REV1: variants seen among roughly 807,000 people sequenced by gnomAD.
The protein encoded by REV1 is translesion synthesis protein REV1.
Under a neutral mutation model 137.4 loss-of-function variants are expected in REV1, and 42 were observed. That is an observed-to-expected ratio of 0.31 (90% CI 0.24 to 0.40). The LOEUF (loss-of-function observed/expected upper bound fraction) is 0.40. REV1 is among the 10% of genes least tolerant of loss of function. The pLI is 1.00. For missense variants in REV1, 1,282 were observed against 1,490.1 expected, an observed-to-expected ratio of 0.86 and a Z score of 2.30; for synonymous variants, 524 against 519.2, an observed-to-expected ratio of 1.01 and a Z score of -0.12.
intron 1 of REV1, among the ~76,000 whole-genome samples, chr2:99,471,806 C>G (rs1239799458): frequency 6.7e-6 from 1 of 148,604 alleles, no homozygotes; most frequent in African/African-American, 2.5e-5. Context: ...CACAAAAAAA[C>G]GTTCAGTGTC....
At position 99,421,649 on chromosome 2, in the gene REV1, T is replaced by G; in HGVS notation, c.1681A>C (p.Thr561Pro). 6.2e-7 allele frequency: 1 copy of G among 1,613,604 alleles called. No homozygotes were observed. Residue 561 changes from threonine to proline, a missense_variant, in exon 11 of 23, where the codon ACT becomes CCT. Thr to Pro is a conservative substitution (Grantham distance 38, BLOSUM62 -1). Around this residue, in one of 7 missense-constraint regions of REV1, gnomAD observed 372 missense variants for 482.3 expected, o/e 0.77. Coordinates refer to ENST00000258428, the MANE Select transcript of REV1 (RefSeq NM_016316.4). ...QTLYETLASYTHNIEAVSCDE... is the reference protein window; with the variant it reads ...QTLYETLASYPHNIEAVSCDE... ...CAACTGACAGCTTCAATGTTATGAG[T>G]GTAGCTATCAACACAGAGCAAAGGC...
chr2:99,483,893 C>T (rs1285662961), intron 1 of REV1, among the ~76,000 whole-genome samples: 1 of 152,112 alleles, frequency 6.6e-6, no homozygotes, highest in Admixed American at 6.6e-5. Flanking sequence ...GATATAATGG[C>T]ATTGCCTCTG....
chr2:99,407,865 G>C (rs1460060027), intron 15 of REV1, among the ~76,000 whole-genome samples, 164 bp downstream of exon 15: 2 of 152,132 alleles, frequency 1.3e-5, no homozygotes. Flanking sequence ...GGTCAAAATG[G>C]AGGAAGTCAA....
intron 1 of REV1, among the ~76,000 whole-genome samples, chr2:99,469,569 T>A (rs1367937985): frequency 6.6e-6 from 1 of 152,228 alleles, no homozygotes; most frequent in Non-Finnish European, 1.5e-5. Flanking sequence ...CAGCTCTGTC[T>A]ATGAGGAGCC....
At chr2:99,460,347 T>C (rs1684045108) in intron 3 of REV1, among the ~76,000 whole-genome samples, 1 of 152,236 alleles carries the variant, frequency 6.6e-6, no homozygotes. Context: ...AGTGCTGGGA[T>C]TGCAGGCGTG....
At chr2:99,417,048 G>A (rs140687585) in intron 12 of REV1, among the ~76,000 whole-genome samples, 16 of 152,178 alleles carry the variant, frequency 1.1e-4, no homozygotes, top group East Asian at 7.7e-4. Flanking sequence ...AAAAGGGTTC[G>A]ATTTAAAGAT....
At chr2:99,476,553 C>CAATAAT (rs35637032) in intron 1 of REV1, among the ~76,000 whole-genome samples, 23 of 149,598 alleles carry the variant, frequency 1.5e-4, no homozygotes, top group East Asian at 3.9e-4. Flanking sequence ...AAGAATCTGT[C>CAATAAT]AATAATAATA....
At chr2:99,455,319 T>C (rs28369956) in intron 3 of REV1, among the ~76,000 whole-genome samples, 1 of 152,326 alleles carries the variant, frequency 6.6e-6, no homozygotes, top group Non-Finnish European at 1.5e-5. Context: ...GAAAACTTAC[T>C]GTGCATACCC....
chr2:99,462,657 G>A, intron 2 of REV1, 35 bp from the exon 3 acceptor site: 2 of 1,564,704 alleles, frequency 1.3e-6, no homozygotes, highest in East Asian at 2.3e-5. Context: ...AATCACAAAG[G>A]TTACATTTTC....
chr2:99,463,991 G>A (rs918683923), intron 2 of REV1, among the ~76,000 whole-genome samples: 1 of 152,014 alleles, frequency 6.6e-6, no homozygotes, highest in African/African-American at 2.4e-5. Context: ...AATTATTTCA[G>A]GTAAAAATGA....
In REV1 at chr2:99,449,467, C is replaced by A; in HGVS notation, c.219G>T (p.Leu73Phe). 6.6e-7 allele frequency: 1 copy of A among 1,515,604 alleles called. No individual in the cohort carries two copies. The highest frequency in any genetic ancestry group is 1.4e-5 in the South Asian group (1 of 70,480). The allele number at this position is 1,515,604 out of a possible 1,614,324, so 93.9% of individuals were successfully genotyped here. ...AATATACATGGTATTGACCTCCATG[C>A]AACATCATTAGTTTTCTCAATTCCT... ...SAEELRKLMM[L>F]HGGQYHVYYS... The change falls in exon 4 of 23, where the codon TTG becomes TTT. Residue 73 changes from leucine to phenylalanine, a missense_variant. By Grantham distance (22) the Leu-to-Phe change is conservative. This residue lies in a region of REV1 where 107 missense variants were observed against 164.3 expected (regional missense o/e 0.65). Coordinates refer to ENST00000258428, the MANE Select transcript of REV1 (RefSeq NM_016316.4).
chr2:99,438,726 A>G lies in REV1; in HGVS notation c.1088T>C (p.Met363Thr). 1.2e-6 allele frequency: 2 copies of G among 1,613,980 alleles called. No individual in the cohort carries two copies. Among genetic ancestry groups the G allele is most frequent in the Non-Finnish European group, 1.7e-6 (2 of 1,179,852 alleles). ...AAACTCAGTCAATTCACACTTCCAC[A>G]TTGATATGTGATGCAGTCTTGAATG... ...YSHSRLHHIS[M>T]WKCELTEFVN... Residue 363 changes from methionine to threonine, a missense_variant, in exon 6 of 23, where the codon ATG becomes ACG. Physicochemically the swap from Met to Thr is moderately conservative, Grantham distance 81. Coordinates refer to ENST00000258428, the MANE Select transcript of REV1 (RefSeq NM_016316.4).
At chr2:99,424,970 T>G (rs1679149427) in intron 9 of REV1, 1 of 1,079,938 alleles carries the variant, frequency 9.3e-7, no homozygotes, top group Non-Finnish European at 1.2e-6. Flanking sequence ...TTTGGAGCAT[T>G]CACCACAAAA....
Position 99,405,951 on chromosome 2 carries a change from A to ACACTTAAC in REV1, c.2769_2770insGTTAAGTG (p.Ser924ValfsTer8), listed in dbSNP as rs1212715953. ...ACCTCTATACTCAGGTTAAGTCTCG[A>ACACTTAAC]CTGCACACTGACAGGAGTATGTAGA... On this transcript the variant is annotated frameshift_variant, in exon 17 of 23. Transcript: ENST00000258428. LOFTEE classifies it high-confidence loss of function. 1 of 1,610,934 alleles carries ACACTTAAC rather than the reference A, an allele frequency of 6.2e-7. No homozygotes were observed. Among genetic ancestry groups the ACACTTAAC allele is most frequent in the Non-Finnish European group, 8.5e-7 (1 of 1,178,544 alleles).
At chr2:99,483,513 C>A (rs1473851938) in intron 1 of REV1, among the ~76,000 whole-genome samples, 1 of 152,104 alleles carries the variant, frequency 6.6e-6, no homozygotes, top group East Asian at 1.9e-4. Context: ...TTAATTCAAG[C>A]ACAAAGCCAT....
intron 14 of REV1, among the ~76,000 whole-genome samples, chr2:99,409,087 C>T (rs1676736442): frequency 6.6e-6 from 1 of 152,092 alleles, no homozygotes; most frequent in South Asian, 2.1e-4. Flanking sequence ...CCAGCCTGGG[C>T]AACAGAGCGA....
At chr2:99,488,770 CCCTA>C (rs1282076127) in intron 1 of REV1, among the ~76,000 whole-genome samples, 15 of 151,796 alleles carry the variant, frequency 9.9e-5, no homozygotes, top group Admixed American at 7.9e-4. Context: ...GTTGGTCCTA[CCCTA>C]CCTAAACAGG....
At chr2:99,444,903 AC>A (rs1250528649) in intron 4 of REV1, among the ~76,000 whole-genome samples, 4 of 152,300 alleles carry the variant, frequency 2.6e-5, no homozygotes, top group Admixed American at 2.0e-4. Context: ...TTCTTTCAAA[AC>A]CAAAAGGAGA....
intron 3 of REV1, among the ~76,000 whole-genome samples, chr2:99,450,888 G>C (rs1374965416): frequency 6.6e-6 from 1 of 152,100 alleles, no homozygotes; most frequent in Non-Finnish European, 1.5e-5. Context: ...CATGTTACTA[G>C]CAGCTACCAA....
Sources: allele counts gnomAD v4.1 joint callset (sites outside exome capture counted in the v4.1 genomes callset), GRCh38; gene constraint gnomAD v4.1.1; regional missense constraint gnomAD v4.1.1; transcripts MANE v1.5; gene names NCBI Gene and HGNC (gene_info 2026-07-23, HGNC 2026-07-21).